Variants in ATXN7L2 observed in about 807,000 individuals in gnomAD.
ATXN7L2 encodes the protein ataxin 7 like 2.
Under a neutral mutation model 59.6 loss-of-function variants are expected in ATXN7L2, and 17 were observed. The ratio of observed to expected loss-of-function variants is 0.29; its 90% CI spans 0.20 to 0.43. ATXN7L2 has a LOEUF of 0.43. Among genes scored for constraint, ATXN7L2 ranks in the 20% least tolerant of loss-of-function variants. ATXN7L2 has a pLI of 1.00. For synonymous variants in ATXN7L2, 378 were observed against 392.5 expected (o/e 0.96, Z 0.44); for missense variants, 858 against 1,008.9 (o/e 0.85, Z 2.03).
At chr1:109,492,145 G>A (rs1337435453) in intron 10 of ATXN7L2, 1 of 1,038,344 alleles carries the variant, frequency 9.6e-7, no homozygotes, top group African/African-American at 1.7e-5. Context: ...CTGGGCATCA[G>A]GGCCTTGAAG....
At chr1:109,484,367 G>T (rs2781553) in intron 1 of ATXN7L2, among the ~76,000 whole-genome samples, 37,461 of 151,374 alleles carry the variant, frequency 0.25, 5,128 homozygotes, top group Non-Finnish European at 0.31. Context: ...CTTGCCTGCT[G>T]CCCCTCAGCT....
chr1:109,488,973 G>A lies in ATXN7L2; in HGVS notation c.1006G>A (p.Glu336Lys). ...CAAGGAGAAGAGCCCAGGGCGCAAG[G>A]AGCAAGTTCTCGAGCGCCCCTCCCA... is the stretch of plus-strand genomic sequence containing the variant. The part of the protein sequence containing the change: ...SPKEKSPGRK[E>K]QVLERPSQEL... Residue 336 changes from glutamate (E) to lysine (K), a missense_variant, in exon 7 of 11, where the codon GAG becomes AAG. Around this residue, in one of 3 missense-constraint regions of ATXN7L2, gnomAD observed 734 missense variants for 862.3 expected, o/e 0.85. Transcript: ENST00000683729. The surrounding 1 kb of genome is among the most constrained non-coding windows in gnomAD (Gnocchi z 5.0). 1 of 1,614,048 alleles carries A rather than the reference G, an allele frequency of 6.2e-7. No homozygotes were observed. Among genetic ancestry groups the A allele is most frequent in the East Asian group, 2.2e-5 (1 of 44,888 alleles).
chr1:109,492,625 C>A lies in ATXN7L2; in HGVS notation c.*25C>A. ...ACGAGAAAGTGCCTGCCCACTGCAA[C>A]GGAGCCGCCAGCACCTCCTCCCCTC... is the stretch of plus-strand genomic sequence containing the variant. On this transcript the variant is annotated 3_prime_UTR_variant, in exon 11 of 11. Coordinates refer to ENST00000683729, the MANE Select transcript of ATXN7L2 (RefSeq NM_001350175.2). The A allele has an allele frequency of 1.9e-6, 3 of 1,612,912 alleles. No homozygotes were observed. Among genetic ancestry groups the A allele is most frequent in the South Asian group, 1.1e-5 (1 of 91,016 alleles).
At chr1:109,487,467 G>GGCCTC (rs1194019110) in intron 4 of ATXN7L2, 51 bp from the exon 5 acceptor site, 44 of 1,445,768 alleles carry the variant, frequency 3.0e-5, no homozygotes, top group Non-Finnish European at 2.9e-5. Flanking sequence ...CCAGGCCCCA[G>GGCCTC]GCCTCGCCTC....
At position 109,487,529 on chromosome 1, in the gene ATXN7L2, C is replaced by G. The variant is rs1656682182; in HGVS notation, c.521C>G (p.Pro174Arg). ...TQKDNLCLFV[P>R]VVNLEKMSSL... The stretch of plus-strand genomic sequence containing the variant: ...CTCTCTGTGTGTAGCCTTTTCGTGC[C>G]TGTGGTGAATCTGGAGAAGATGTCC... Residue 174 changes from proline (P) to arginine (R), a missense_variant, in exon 5 of 11, where the codon CCT becomes CGT. By Grantham distance (103) the Pro-to-Arg change is moderately radical. Coordinates refer to ENST00000683729, the MANE Select transcript of ATXN7L2 (RefSeq NM_001350175.2). 1.3e-6 allele frequency: 2 copies of G among 1,503,726 alleles called. No individual in the cohort carries two copies. The highest frequency in any genetic ancestry group is 1.8e-6 in the Non-Finnish European group (2 of 1,128,534). 93.1% of individuals were successfully genotyped at this position (1,503,726 alleles called of 1,614,324 possible).
rs1338179080 is a variant in ATXN7L2, at chr1:109,488,976, C to A, written c.1009C>A (p.Gln337Lys). 1 of 1,614,194 alleles carries A rather than the reference C, an allele frequency of 6.2e-7. No individual in the cohort carries two copies. ...GGAGAAGAGCCCAGGGCGCAAGGAG[C>A]AAGTTCTCGAGCGCCCCTCCCAGGA... The part of the protein sequence containing the change: ...PKEKSPGRKE[Q>K]VLERPSQELP... The change falls in exon 7 of 11, where the codon CAA (glutamine) becomes AAA (lysine). Residue 337 changes from glutamine to lysine, a missense_variant. Coordinates refer to ENST00000683729, the MANE Select transcript of ATXN7L2 (RefSeq NM_001350175.2). The surrounding 1 kb of genome is among the most constrained non-coding windows in gnomAD (Gnocchi z 5.0).
chr1:109,487,247 T>C, intron 4 of ATXN7L2, 30 bp downstream of exon 4: 2 of 1,483,028 alleles, frequency 1.3e-6, no homozygotes, highest in Non-Finnish European at 1.8e-6. Flanking sequence ...TTTCTAAGAC[T>C]GGCCCTGACC....
intron 7 of ATXN7L2, chr1:109,489,338 T>C: frequency 3.5e-6 from 2 of 569,572 alleles, no homozygotes; most frequent in East Asian, 3.0e-5. Context: ...ACTCAGGATA[T>C]GAACATTTTC....
Position 109,486,194 on chromosome 1 carries a change from C to T in ATXN7L2, c.193+72C>T. 1 of 1,496,638 alleles carries T rather than the reference C, an allele frequency of 6.7e-7. No homozygotes were observed. Among genetic ancestry groups the T allele is most frequent in the East Asian group, 2.4e-5 (1 of 42,256 alleles). The allele number at this position is 1,496,638 out of a possible 1,614,324, so 92.7% of individuals were successfully genotyped here. ...CACGCTCCACTTTTCCACCACACTA[C>T]AGAAGGAGGTGGCTGCTTGAAGCAG... On this transcript the variant is annotated intron_variant, in intron 2 of 10. Coordinates refer to ENST00000683729, the MANE Select transcript of ATXN7L2 (RefSeq NM_001350175.2). The surrounding 1 kb of genome is among the most constrained non-coding windows in gnomAD (Gnocchi z 4.3).
intron 10 of ATXN7L2, chr1:109,492,212 G>C: frequency 4.1e-6 from 3 of 738,044 alleles, no homozygotes; most frequent in Non-Finnish European, 5.2e-6. Flanking sequence ...CAGGTGTGCA[G>C]GTGACAGGCA....
At position 109,492,698 on chromosome 1, in the gene ATXN7L2, T is replaced by C; in HGVS notation, c.*98T>C. ...GCCGCTTTTTATAACTTTATATTAT[T>C]TTTTTTTAAGAAAAAAAGCTCTTTA... On this transcript the variant is annotated 3_prime_UTR_variant, in exon 11 of 11. Coordinates refer to ENST00000683729, the MANE Select transcript of ATXN7L2 (RefSeq NM_001350175.2). 3 of 1,314,176 alleles carry C rather than the reference T, an allele frequency of 2.3e-6. No homozygotes were observed. Among genetic ancestry groups the C allele is most frequent in the Non-Finnish European group, 3.0e-6 (3 of 988,858 alleles). The allele number at this position is 1,314,176 out of a possible 1,614,324, so 81.4% of individuals were successfully genotyped here.
chr1:109,486,543 C>T lies in ATXN7L2; in HGVS notation c.231C>T (p.Asp77=). The change falls in exon 3 of 11, where the codon GAC becomes GAT. Residue 77 remains aspartate (D), a synonymous_variant. Coordinates refer to ENST00000683729, the MANE Select transcript of ATXN7L2 (RefSeq NM_001350175.2). The surrounding 1 kb of genome is among the most constrained non-coding windows in gnomAD (Gnocchi z 4.3). ...SIFGHCPAHD[D]FYLVVCNHCS... ...TCGGGCACTGCCCTGCCCATGATGA[C>T]TTCTACTTGGTTGTGTGTAACCACT... is the stretch of plus-strand genomic sequence containing the variant. 1 of 1,614,084 alleles carries T rather than the reference C, an allele frequency of 6.2e-7. No homozygotes were observed. The highest frequency in any genetic ancestry group is 8.5e-7 in the Non-Finnish European group (1 of 1,179,952).
At position 109,490,930 on chromosome 1, in the gene ATXN7L2, C is replaced by T; in HGVS notation, c.1463C>T (p.Pro488Leu). The T allele has an allele frequency of 6.4e-7, 1 of 1,550,468 alleles. No homozygotes were observed. The highest frequency in any genetic ancestry group is 8.7e-7 in the Non-Finnish European group (1 of 1,148,010). The change falls in exon 10 of 11, where the codon CCA becomes CTA. Residue 488 changes from proline to leucine, a missense_variant. This residue lies in a region of ATXN7L2 where 734 missense variants were observed against 862.3 expected (regional missense o/e 0.85). Transcript: ENST00000683729. ...HLSTHMWKKI[P>L]PAAEPPAHLV... ...CTTTCTTTTTGCTGCAGGAAGATCC[C>T]ACCGGCAGCTGAACCTCCAGCTCAC...
chr1:109,485,442 T>C (rs1452354484), intron 1 of ATXN7L2: 1 of 985,300 alleles, frequency 1.0e-6, no homozygotes, highest in African/African-American at 1.7e-5. Context: ...GACAGCAGTT[T>C]CTCTGCTCTG....
At chr1:109,490,856 T>C (rs1656993319) in intron 9 of ATXN7L2, 66 bp from the exon 10 acceptor site, 2 of 1,482,384 alleles carry the variant, frequency 1.3e-6, no homozygotes, top group East Asian at 4.6e-5. Flanking sequence ...GACTGGAGTG[T>C]GTCTTGTGTT....
In ATXN7L2 at chr1:109,492,624, A is replaced by G; in HGVS notation, c.*24A>G. 3 of 1,612,858 alleles carry G rather than the reference A, an allele frequency of 1.9e-6. No homozygotes were observed. Among genetic ancestry groups the G allele is most frequent in the Non-Finnish European group, 2.5e-6 (3 of 1,179,754 alleles). On this transcript the variant is annotated 3_prime_UTR_variant, in exon 11 of 11. Transcript: ENST00000683729. ...AACGAGAAAGTGCCTGCCCACTGCA[A>G]CGGAGCCGCCAGCACCTCCTCCCCT...
At chr1:109,487,250 C>A in intron 4 of ATXN7L2, 33 bp downstream of exon 4, 1 of 1,450,966 alleles carries the variant, frequency 6.9e-7, no homozygotes, top group South Asian at 1.4e-5. Context: ...CTAAGACTGG[C>A]CCTGACCCTG....
chr1:109,492,770 T>C, downstream of ATXN7L2: 2 of 782,552 alleles, frequency 2.6e-6, no homozygotes, highest in Non-Finnish European at 3.9e-6. Context: ...TATGAAAATA[T>C]AAAAACAGAA....
Position 109,486,734 on chromosome 1 carries a change from T to C in ATXN7L2, c.298+124T>C. 1.2e-6 allele frequency: 1 copy of C among 860,402 alleles called. No homozygotes were observed. Among genetic ancestry groups the C allele is most frequent in the East Asian group, 2.7e-5 (1 of 36,964 alleles). 53.3% of individuals were successfully genotyped at this position (860,402 alleles called of 1,614,324 possible). A position where few individuals can be genotyped will look rare whatever the true frequency, so the allele number is the denominator to read the frequency against. ...GGTGGTGTTGAGGATAGGAAGGTTG[T>C]GGGGGTGGCTTCAGAGCATTGTGGG... On this transcript the variant is annotated intron_variant, in intron 3 of 10. Coordinates refer to ENST00000683729, the MANE Select transcript of ATXN7L2 (RefSeq NM_001350175.2). The surrounding 1 kb of genome is among the most constrained non-coding windows in gnomAD (Gnocchi z 4.3).
Sources: gnomAD v4.1 joint callset for allele counts (sites outside exome capture counted in the v4.1 genomes callset) on GRCh38, gnomAD v4.1.1 for gene constraint, gnomAD v4.1.1 regional missense constraint, Gnocchi (gnomAD v3.1) non-coding constraint, MANE v1.5 for transcripts, NCBI Gene and HGNC (gene_info 2026-07-23, HGNC 2026-07-21) for gene names.